NRXN1: variants seen among roughly 807,000 people sequenced by gnomAD.
NRXN1 encodes the protein neurexin 1.
Under a neutral mutation model 150.9 loss-of-function variants are expected in NRXN1, and 39 were observed. The ratio of observed to expected loss-of-function variants is 0.26; its 90% CI spans 0.20 to 0.34. The LOEUF (loss-of-function observed/expected upper bound fraction) is 0.34, where lower values mean the gene tolerates loss of function less well. Ranked by LOEUF, NRXN1 falls within the 10% of genes least tolerant of loss-of-function variation. The pLI is 1.00. For missense variants in NRXN1, 1,815 were observed against 1,949.9 expected (o/e 0.93, Z 1.30); for synonymous variants, 924 against 757.0 (o/e 1.22, Z -3.62).
At chr2:50,893,308 A>G (rs758151842) in intron 5 of NRXN1, among the ~76,000 whole-genome samples, 3 of 152,166 alleles carry the variant, frequency 2.0e-5, no homozygotes, top group Non-Finnish European at 4.4e-5. Context: ...GTATATGACT[A>G]ATGCCACAAA....
intron 5 of NRXN1, among the ~76,000 whole-genome samples, chr2:50,660,971 G>C (rs1340461675): frequency 6.6e-6 from 1 of 151,988 alleles, no homozygotes; most frequent in Non-Finnish European, 1.5e-5. Context: ...AAATATCATT[G>C]CAAGTTCTTT....
intron 9 of NRXN1, among the ~76,000 whole-genome samples, chr2:50,549,335 A>T (rs1483262463): frequency 3.3e-5 from 5 of 152,182 alleles, no homozygotes; most frequent in African/African-American, 4.8e-5. Context: ...AAATTACATT[A>T]AACACCCTTG....
intron 17 of NRXN1, among the ~76,000 whole-genome samples, chr2:50,251,316 A>C (rs1012204565): frequency 6.6e-6 from 1 of 152,012 alleles, no homozygotes; most frequent in Non-Finnish European, 1.5e-5. Flanking sequence ...TTTGCTGAGG[A>C]TAATGGCTTC....
rs150687932 is a variant in NRXN1, at chr2:50,790,404, A to G, written c.832+131465T>C. Among the ~76,000 whole-genome samples, 1,097 of 152,264 alleles carry G rather than the reference A, an allele frequency of 7.2e-3. 18 individuals are homozygous for G. The highest frequency in any genetic ancestry group is 0.023 in the African/African-American group (971 of 41,554). On this transcript the variant is annotated intron_variant, in intron 5 of 22. Transcript: ENST00000401669. ...CATTTCTAGATTTTGGGTCACCAAAACAACCCAACAGCCATCCACTCACTC... is the reference window on the plus strand; with the variant it reads ...CATTTCTAGATTTTGGGTCACCAAAGCAACCCAACAGCCATCCACTCACTC...
intron 2 of NRXN1, among the ~76,000 whole-genome samples, chr2:50,935,952 A>T (rs1322946186): frequency 1.3e-5 from 2 of 152,150 alleles, no homozygotes; most frequent in African/African-American, 4.8e-5. Context: ...TCCAAAGATT[A>T]AATATCTTTA....
At chr2:50,730,662 T>A (rs574330346) in intron 5 of NRXN1, among the ~76,000 whole-genome samples, 1 of 134,678 alleles carries the variant, frequency 7.4e-6, no homozygotes, top group East Asian at 2.2e-4. Flanking sequence ...TCCTTTATCT[T>A]TCTTGTTTTC....
chr2:50,823,479 CTT>C (rs1025470857), intron 5 of NRXN1, among the ~76,000 whole-genome samples: 6 of 152,126 alleles, frequency 3.9e-5, no homozygotes, highest in African/African-American at 1.4e-4. Context: ...TCTGGTGAAT[CTT>C]TGTTATTATA....
intron 5 of NRXN1, among the ~76,000 whole-genome samples, chr2:50,762,736 T>C (rs1701951115): frequency 6.6e-6 from 1 of 152,014 alleles, no homozygotes; most frequent in African/African-American, 2.4e-5. Context: ...TTACCAAAGA[T>C]ACTCTTGATG....
chr2:50,532,313 T>C (rs1573430139), intron 10 of NRXN1, among the ~76,000 whole-genome samples: 1 of 41,012 alleles, frequency 2.4e-5, no homozygotes, highest in African/African-American at 2.8e-4. Context: ...ACTGTCATCA[T>C]TTTTTTTTCA....
chr2:50,966,712 G>A (rs979605971), intron 2 of NRXN1, among the ~76,000 whole-genome samples: 1 of 151,834 alleles, frequency 6.6e-6, no homozygotes, highest in African/African-American at 2.4e-5. Flanking sequence ...GGCAAATGTT[G>A]TATGGGTAGA....
chr2:50,992,289 A>C (rs897004711), intron 2 of NRXN1, among the ~76,000 whole-genome samples: 10 of 152,060 alleles, frequency 6.6e-5, no homozygotes, highest in African/African-American at 2.4e-4. Context: ...TATAGAAGAC[A>C]AACTGAGGAT....
chr2:50,357,881 G>A (rs1003312815), intron 17 of NRXN1, among the ~76,000 whole-genome samples: 1 of 152,110 alleles, frequency 6.6e-6, no homozygotes, highest in Non-Finnish European at 1.5e-5. Context: ...AAGGTACCTG[G>A]TTCATCTCAC....
intron 22 of NRXN1, among the ~76,000 whole-genome samples, chr2:49,930,957 C>A (rs937829502): frequency 1.9e-4 from 29 of 152,304 alleles, no homozygotes; most frequent in African/African-American, 6.7e-4. Flanking sequence ...GAACAAGATA[C>A]TGTCTCTAGA....
In NRXN1 at chr2:50,123,809, C is replaced by G. The variant is rs1015868269; in HGVS notation, c.3547-32315G>C. On this transcript the variant is annotated intron_variant, in intron 18 of 22. Coordinates refer to ENST00000401669, the MANE Select transcript of NRXN1 (RefSeq NM_001330078.2). ...ATTTCAAGGTTTTTGGAAAAGGCAA[C>G]AGGCAGTATGAATTGCTATCCCTTC... 3.3e-5 allele frequency among the ~76,000 whole-genome samples: 5 copies of G among 152,062 alleles called. No individual in the cohort carries two copies. In the South Asian group the frequency reaches 1.0e-3, roughly 31 times the overall value.
chr2:50,191,862 T>C (rs2061466636), intron 18 of NRXN1, among the ~76,000 whole-genome samples: 1 of 152,188 alleles, frequency 6.6e-6, no homozygotes, highest in Non-Finnish European at 1.5e-5. Flanking sequence ...TAATACAGTG[T>C]TATTAACTCT....
At chr2:50,441,262 T>C (rs1352982731) in intron 17 of NRXN1, among the ~76,000 whole-genome samples, 1 of 152,208 alleles carries the variant, frequency 6.6e-6, no homozygotes, top group Non-Finnish European at 1.5e-5. Context: ...AAATTGGCTA[T>C]ATAATTACCT....
At chr2:49,990,971 T>C (rs979956007) in intron 21 of NRXN1, among the ~76,000 whole-genome samples, 1 of 152,052 alleles carries the variant, frequency 6.6e-6, no homozygotes, top group African/African-American at 2.4e-5. Context: ...CAAGGTAGAA[T>C]TGACACAAAT....
intron 5 of NRXN1, among the ~76,000 whole-genome samples, chr2:50,707,196 T>C (rs1694558623): frequency 6.6e-6 from 1 of 152,172 alleles, no homozygotes; most frequent in Admixed American, 6.6e-5. Context: ...CATTTCCCAG[T>C]AAGCTGTTCC....
chr2:50,665,197 T>G (rs1641980850), intron 5 of NRXN1, among the ~76,000 whole-genome samples: 1 of 151,922 alleles, frequency 6.6e-6, no homozygotes, highest in Non-Finnish European at 1.5e-5. Context: ...ATGTACTAGA[T>G]TTAATAGATC....
Sources: allele counts gnomAD v4.1 joint callset (sites outside exome capture counted in the v4.1 genomes callset), GRCh38; gene constraint gnomAD v4.1.1; transcripts MANE v1.5; gene names NCBI Gene and HGNC (gene_info 2026-07-23, HGNC 2026-07-21).